Variants in RSRC1 observed in about 807,000 individuals in gnomAD.
RSRC1 encodes the protein arginine and serine rich coiled-coil 1, also known as serine/Arginine-related protein 53.
Under a neutral mutation model 49.1 loss-of-function variants are expected in RSRC1, and 39 were observed. That is an observed-to-expected ratio of 0.79 (90% CI 0.61 to 1.04). The LOEUF (loss-of-function observed/expected upper bound fraction) is 1.04. Ranked by LOEUF, RSRC1 falls within the 50% of genes least tolerant of loss-of-function variation. RSRC1 has a pLI of 0.00. For missense variants in RSRC1, 388 were observed against 402.4 expected (o/e 0.96, Z 0.31); for synonymous variants, 143 against 130.8 (o/e 1.09, Z -0.63).
chr3:158,331,174 G>A (rs1253945998), intron 5 of RSRC1, among the ~76,000 whole-genome samples: 1 of 152,198 alleles, frequency 6.6e-6, no homozygotes, highest in Non-Finnish European at 1.5e-5. Context: ...TGGGCTCAGA[G>A]GGTGAGGGGA....
chr3:158,448,006 T>C (rs893424389), intron 6 of RSRC1, among the ~76,000 whole-genome samples: 1 of 151,860 alleles, frequency 6.6e-6, no homozygotes, highest in Non-Finnish European at 1.5e-5. Flanking sequence ...TTATAAATCA[T>C]TTAGTGGAGT....
At chr3:158,277,751 A>G (rs1229081543) in intron 4 of RSRC1, among the ~76,000 whole-genome samples, 5 of 152,074 alleles carry the variant, frequency 3.3e-5, no homozygotes, top group African/African-American at 1.2e-4. Context: ...TTGCCTTGTA[A>G]TTTTAGGTTG....
chr3:158,208,164 T>C (rs1303905378), intron 4 of RSRC1, among the ~76,000 whole-genome samples: 1 of 152,136 alleles, frequency 6.6e-6, no homozygotes, highest in Non-Finnish European at 1.5e-5. Context: ...GTTTTATATT[T>C]ATAAAATTTA....
chr3:158,169,947 T>C (rs1015885910), intron 3 of RSRC1, among the ~76,000 whole-genome samples: 1 of 152,194 alleles, frequency 6.6e-6, no homozygotes, highest in African/African-American at 2.4e-5. Flanking sequence ...GGATATATAG[T>C]ATACGTATTT....
intron 4 of RSRC1, among the ~76,000 whole-genome samples, chr3:158,275,441 C>T (rs755630857): frequency 5.9e-5 from 9 of 152,164 alleles, no homozygotes; most frequent in Admixed American, 1.3e-4. Context: ...TGAAAGTAAA[C>T]CAGCAGAGCA....
rs1482241664 is a variant in RSRC1 at position 158,225,743 on chromosome 3, C to CCT, written c.494+22499_494+22500dup. 1.9e-4 allele frequency: 82 copies of CCT among 438,836 alleles called. 2 individuals carry two copies. In the East Asian group the frequency reaches 5.5e-3, roughly 29 times the overall value. 27.2% of individuals were successfully genotyped at this position (438,836 alleles called of 1,614,324 possible). ...TTAGGAAGACCAAATTGTGAGTAAA[C>CCT]CTATACAAGCCCTTAGAAACATTTT... is the stretch of plus-strand genomic sequence containing the variant. On this transcript the variant is annotated intron_variant, in intron 4 of 9. Coordinates refer to ENST00000611884, the MANE Select transcript of RSRC1 (RefSeq NM_001271838.2).
Position 158,351,804 on chromosome 3 carries a change from CTGTATTATAAATTGT to C in RSRC1, c.532-3050_532-3036del, listed in dbSNP as rs1051876631. On this transcript the variant is annotated intron_variant, in intron 5 of 9. Transcript: ENST00000611884. ...TTTCTTTGTCTTTGAAATATGAATC[CTGTATTATAAATTGT>C]TGGAGTTATTAGTGAAAAATAAATA... is the stretch of plus-strand genomic sequence containing the variant. 6.0e-5 allele frequency among the ~76,000 whole-genome samples: 9 copies of C among 150,058 alleles called. No homozygotes were observed. In the South Asian group the frequency reaches 1.7e-3, roughly 28 times the overall value.
chr3:158,473,498 C>T (rs1297303078), intron 7 of RSRC1, among the ~76,000 whole-genome samples: 1 of 151,844 alleles, frequency 6.6e-6, no homozygotes, highest in Non-Finnish European at 1.5e-5. Context: ...GAACATCACA[C>T]ACCGGGGCCT....
At chr3:158,447,718 T>C (rs936096221) in intron 6 of RSRC1, among the ~76,000 whole-genome samples, 3 of 151,916 alleles carry the variant, frequency 2.0e-5, no homozygotes, top group African/African-American at 7.2e-5. Context: ...CTTTCATGAA[T>C]TGAAGCTAAG....
In RSRC1 at chr3:158,239,271, ATTAG is replaced by A. The variant is rs1457727965; in HGVS notation, c.494+36029_494+36032del. Among the ~76,000 whole-genome samples the A allele has an allele frequency of 5.9e-5, 9 of 152,202 alleles. No homozygotes were observed. In the South Asian group the frequency reaches 8.3e-4, roughly 14 times the overall value. On this transcript the variant is annotated intron_variant, in intron 4 of 9. Coordinates refer to ENST00000611884, the MANE Select transcript of RSRC1 (RefSeq NM_001271838.2). ...TTTTACACTGTAGGTGGGAGTGTAA[ATTAG>A]TTCAACCATTGTGTAAGACAGTGTG...
intron 6 of RSRC1, among the ~76,000 whole-genome samples, chr3:158,368,193 C>T (rs1731881384): frequency 6.6e-6 from 1 of 152,110 alleles, no homozygotes; most frequent in African/African-American, 2.4e-5. Context: ...TTTCTAGACT[C>T]GAGTACAATG....
intron 5 of RSRC1, among the ~76,000 whole-genome samples, chr3:158,325,900 T>A (rs1349218710): frequency 6.6e-6 from 1 of 152,192 alleles, no homozygotes; most frequent in South Asian, 2.1e-4. Context: ...CCTCTTTTAT[T>A]TCCTTGAGCA....
At chr3:158,457,747 T>TG (rs1737413255) in intron 6 of RSRC1, among the ~76,000 whole-genome samples, 5 of 140,710 alleles carry the variant, frequency 3.6e-5, no homozygotes, top group African/African-American at 1.5e-4. Context: ...TTTGTTTTTT[T>TG]TTTTTGTTTG....
chr3:158,504,406 C>G (rs1739758823), intron 7 of RSRC1, among the ~76,000 whole-genome samples: 1 of 152,206 alleles, frequency 6.6e-6, no homozygotes, highest in African/African-American at 2.4e-5. Context: ...CTGCCATGAT[C>G]AGATCAGGCT....
intron 5 of RSRC1, among the ~76,000 whole-genome samples, chr3:158,310,894 TA>T (rs978867852): frequency 5.9e-5 from 9 of 151,802 alleles, no homozygotes; most frequent in African/African-American, 2.2e-4. Flanking sequence ...GCAATGCCAA[TA>T]TTACTTCTTT....
intron 7 of RSRC1, among the ~76,000 whole-genome samples, chr3:158,507,596 C>T (rs977461858): frequency 1.4e-4 from 22 of 151,942 alleles, no homozygotes; most frequent in Non-Finnish European, 2.9e-5. Context: ...GAAAAAAAGC[C>T]TGAGTAGCAG....
intron 4 of RSRC1, among the ~76,000 whole-genome samples, chr3:158,251,445 A>G (rs1459731866): frequency 6.6e-6 from 1 of 152,200 alleles, no homozygotes; most frequent in African/African-American, 2.4e-5. Context: ...TTTCCAATCC[A>G]TAAACATGAA....
At chr3:158,113,880 C>A (rs1308355138) in intron 1 of RSRC1, among the ~76,000 whole-genome samples, 1 of 151,604 alleles carries the variant, frequency 6.6e-6, no homozygotes, top group African/African-American at 2.4e-5. Flanking sequence ...TGTTTAACTT[C>A]CTTATAGACT....
chr3:158,497,388 A>G (rs1403442850), intron 7 of RSRC1, among the ~76,000 whole-genome samples: 2 of 150,714 alleles, frequency 1.3e-5, no homozygotes, highest in African/African-American at 4.9e-5. Context: ...GTAGTCTTCT[A>G]TCCCTTGCCC....
Sources: allele counts gnomAD v4.1 joint callset (sites outside exome capture counted in the v4.1 genomes callset), GRCh38; gene constraint gnomAD v4.1.1; transcripts MANE v1.5; gene names NCBI Gene and HGNC (gene_info 2026-07-23, HGNC 2026-07-21).